Variants in OAS1 observed in about 807,000 individuals in gnomAD.
The protein encoded by OAS1 is 2'-5'-oligoadenylate synthetase 1.
OAS1 carries 24 observed loss-of-function variants against 38.5 expected under a neutral mutation model. The observed-to-expected ratio is 0.62, with a 90% CI of 0.45 to 0.88. OAS1 has a LOEUF of 0.88. Among genes scored for constraint, OAS1 ranks in the 40% least tolerant of loss-of-function variants. The pLI is 0.00. For missense variants in OAS1, 482 were observed against 493.9 expected, an observed-to-expected ratio of 0.98 and a Z score of 0.23; for synonymous variants, 169 against 193.9, an observed-to-expected ratio of 0.87 and a Z score of 1.07.
chr12:112,919,687 C>G lies in OAS1; in HGVS notation c.*134C>G. The G allele has an allele frequency of 6.4e-7, 1 of 1,551,880 alleles. No individual in the cohort carries two copies. The highest frequency in any genetic ancestry group is 8.7e-7 in the Non-Finnish European group (1 of 1,145,654). On this transcript the variant is annotated 3_prime_UTR_variant, in exon 6 of 6. Coordinates refer to ENST00000202917, the MANE Select transcript of OAS1 (RefSeq NM_016816.4). ...GTATAATCCAGGACAGAACCCAGGT[C>G]TCCTGACTCCTGGCCTTCTATGCCC...
At chr12:112,910,997 T>C in intron 2 of OAS1, 54 bp from the exon 3 acceptor site, 1 of 1,528,142 alleles carries the variant, frequency 6.5e-7, no homozygotes, top group South Asian at 1.2e-5. Flanking sequence ...TCAGAGTGAC[T>C]GAAGGAAATT....
intron 6 of OAS1, among the ~76,000 whole-genome samples, chr12:112,930,182 C>G (rs577874271): frequency 6.6e-6 from 1 of 152,154 alleles, no homozygotes; most frequent in Non-Finnish European, 1.5e-5. Flanking sequence ...CCTGCTCCCC[C>G]TTTGCCTTCT....
chr12:112,918,684 C>T (rs1373135973), intron 5 of OAS1: 2 of 455,582 alleles, frequency 4.4e-6, no homozygotes, highest in South Asian at 3.1e-5. Flanking sequence ...TCAGTGGACT[C>T]TAAAGCCAGT....
Position 112,919,696 on chromosome 12 carries a change from C to T in OAS1, c.*143C>T. On this transcript the variant is annotated 3_prime_UTR_variant, in exon 6 of 6. Transcript: ENST00000202917. Reference sequence around the variant, plus strand: ...AGGACAGAACCCAGGTCTCCTGACTCCTGGCCTTCTATGCCCTCTATCCTA... The same window carrying T: ...AGGACAGAACCCAGGTCTCCTGACTTCTGGCCTTCTATGCCCTCTATCCTA... 1.3e-6 allele frequency: 2 copies of T among 1,546,950 alleles called. No homozygotes were observed. Among genetic ancestry groups the T allele is most frequent in the Non-Finnish European group, 1.7e-6 (2 of 1,143,128 alleles).
downstream of OAS1, among the ~76,000 whole-genome samples, chr12:112,921,814 C>T (rs2043531317): frequency 6.6e-6 from 1 of 152,192 alleles, no homozygotes. Context: ...AATTTACTAT[C>T]CTGGCCAGGG....
intron 1 of OAS1, chr12:112,907,801 T>G (rs1281165249): frequency 6.6e-6 from 1 of 152,458 alleles, no homozygotes; most frequent in African/African-American, 2.4e-5. Flanking sequence ...AACGTGAGCT[T>G]GGAGCAAAAG....
intron 6 of OAS1, among the ~76,000 whole-genome samples, chr12:112,927,019 C>A (rs2043562779): frequency 6.6e-6 from 1 of 152,196 alleles, no homozygotes; most frequent in African/African-American, 2.4e-5. Flanking sequence ...TGCCTGGCTC[C>A]CAGGCAGTCA....
intron 6 of OAS1, among the ~76,000 whole-genome samples, chr12:112,930,807 T>G (rs1247918445): frequency 1.3e-5 from 2 of 152,238 alleles, no homozygotes; most frequent in African/African-American, 4.8e-5. Context: ...TTCTTTCAAA[T>G]GTTACGCTCC....
In OAS1 at chr12:112,919,580, C is replaced by T. The variant is rs1448562508; in HGVS notation, c.*27C>T. ...TGCCAGTGCATCTTGGGGGAAAGGG[C>T]TCCAGTGTTATCTGGACCAGTTCCT... On this transcript the variant is annotated 3_prime_UTR_variant, in exon 6 of 6. Transcript: ENST00000202917. The T allele has an allele frequency of 1.9e-6, 3 of 1,614,196 alleles. No individual in the cohort carries two copies. The highest frequency in any genetic ancestry group is 3.3e-5 in the Admixed American group (2 of 60,016).
chr12:112,928,037 G>C (rs1375383332), intron 6 of OAS1, among the ~76,000 whole-genome samples: 1 of 152,180 alleles, frequency 6.6e-6, no homozygotes, highest in Non-Finnish European at 1.5e-5. Flanking sequence ...CAAACCCACT[G>C]AACTCAGGAT....
intron 3 of OAS1, 97 bp from the exon 4 acceptor site, chr12:112,916,411 TA>T: frequency 2.4e-6 from 2 of 850,580 alleles, no homozygotes; most frequent in Non-Finnish European, 3.8e-6. Context: ...GGAAACTTTA[TA>T]AAAACAGGTG....
intron 6 of OAS1, among the ~76,000 whole-genome samples, chr12:112,928,907 G>A (rs1209012618): frequency 1.3e-5 from 2 of 152,222 alleles, no homozygotes; most frequent in Non-Finnish European, 2.9e-5. Flanking sequence ...TTCTCTTGAG[G>A]ATTGGGGGAG....
intron 2 of OAS1, among the ~76,000 whole-genome samples, chr12:112,909,352 T>C (rs973297488): frequency 6.6e-6 from 1 of 152,168 alleles, no homozygotes; most frequent in Non-Finnish European, 1.5e-5. Flanking sequence ...TGATGAGTAA[T>C]AGGTGTTCAA....
At chr12:112,927,418 CG>C (rs10716630) in intron 6 of OAS1, among the ~76,000 whole-genome samples, 112,969 of 151,912 alleles carry the variant, frequency 0.74, 43,300 homozygotes, top group African/African-American at 0.94. Context: ...ATAGGATCTT[CG>C]GTGGATTTAA....
At chr12:112,925,332 C>T (rs939811644) in intron 6 of OAS1, among the ~76,000 whole-genome samples, 17 of 152,192 alleles carry the variant, frequency 1.1e-4, no homozygotes, top group Admixed American at 3.3e-4. Flanking sequence ...ACACCCCTCA[C>T]GCCTGTCTGT....
downstream of OAS1, among the ~76,000 whole-genome samples, chr12:112,920,617 A>G (rs192213091): frequency 7.7e-4 from 117 of 152,334 alleles, no homozygotes; most frequent in Admixed American, 2.2e-3. Flanking sequence ...ATTCGACTAT[A>G]CTGACTTACA....
chr12:112,917,675 C>T lies in OAS1; in HGVS notation c.1013C>T (p.Ser338Phe), dbSNP rs779007217. 1.1e-5 allele frequency: 18 copies of T among 1,614,060 alleles called. 1 individual carries two copies. The South Asian group carries it at 2.0e-4, about 18-fold the overall frequency. The change falls in exon 5 of 6, where the codon TCC becomes TTC. Residue 338 changes from serine (S) to phenylalanine (F), a missense_variant. Transcript: ENST00000202917. The part of the protein sequence containing the change: ...NYPCFKNWDG[S>F]PVSSWILLAE... ...CCATGCTTTAAGAATTGGGATGGGT[C>T]CCCAGTGAGCTCCTGGATTCTGCTG...
intron 6 of OAS1, among the ~76,000 whole-genome samples, chr12:112,927,290 GTTC>G (rs2043565832): frequency 6.6e-6 from 1 of 152,190 alleles, no homozygotes; most frequent in Non-Finnish European, 1.5e-5. Flanking sequence ...CACAATTTAT[GTTC>G]TTCTGTCATG....
chr12:112,931,371 T>A (rs1173132463), intron 6 of OAS1, among the ~76,000 whole-genome samples: 5 of 152,210 alleles, frequency 3.3e-5, no homozygotes, highest in Admixed American at 6.5e-5. Context: ...GCTCTACCAA[T>A]TTCCAGCTCT....
Sources: gnomAD v4.1 joint callset for allele counts (sites outside exome capture counted in the v4.1 genomes callset) on GRCh38, gnomAD v4.1.1 for gene constraint, MANE v1.5 for transcripts, NCBI Gene and HGNC (gene_info 2026-07-23, HGNC 2026-07-21) for gene names.